The following PTPRT variants were observed in gnomAD, a reference collection of about 807,000 sequenced individuals.
PTPRT encodes the protein receptor-type tyrosine-protein phosphatase T.
A neutral mutation model predicts 176.8 loss-of-function variants in PTPRT; 56 were observed. That is an observed-to-expected ratio of 0.32 (90% CI 0.26 to 0.40). The LOEUF is 0.40. Ranked by LOEUF, PTPRT falls within the 10% of genes least tolerant of loss-of-function variation. PTPRT has a pLI of 1.00. For missense variants in PTPRT, 1,540 were observed against 1,908.2 expected (o/e 0.81, Z 3.60); for synonymous variants, 783 against 739.0 (o/e 1.06, Z -0.96).
At chr20:42,736,879 G>A (rs1002509339) in intron 6 of PTPRT, among the ~76,000 whole-genome samples, 4 of 152,334 alleles carry the variant, frequency 2.6e-5, no homozygotes, top group South Asian at 4.1e-4. Flanking sequence ...TCACACTCTT[G>A]TCTGCTGTGA....
intron 7 of PTPRT, among the ~76,000 whole-genome samples, chr20:42,665,703 A>T (rs1422112245): frequency 6.6e-6 from 1 of 152,182 alleles, no homozygotes; most frequent in Non-Finnish European, 1.5e-5. Context: ...CAAATGTCCA[A>T]CAGTGATAGA....
At chr20:42,659,344 T>C (rs2075182319) in intron 7 of PTPRT, among the ~76,000 whole-genome samples, 1 of 152,184 alleles carries the variant, frequency 6.6e-6, no homozygotes, top group Non-Finnish European at 1.5e-5. Flanking sequence ...AATGTCATGG[T>C]CTTGGGATAT....
intron 1 of PTPRT, among the ~76,000 whole-genome samples, chr20:43,141,881 C>T (rs2014020541): frequency 6.6e-6 from 1 of 152,146 alleles, no homozygotes; most frequent in Non-Finnish European, 1.5e-5. Context: ...TCCACAGAAC[C>T]ATTCCAAGCC....
At chr20:42,281,492 G>A (rs972774450) in intron 13 of PTPRT, among the ~76,000 whole-genome samples, 6 of 152,140 alleles carry the variant, frequency 3.9e-5, no homozygotes, top group African/African-American at 1.4e-4. Context: ...TCAAGTAGCT[G>A]TAGATTTTTT....
At chr20:42,848,378 G>A (rs1482102886) in intron 2 of PTPRT, among the ~76,000 whole-genome samples, 1 of 152,138 alleles carries the variant, frequency 6.6e-6, no homozygotes, top group African/African-American at 2.4e-5. Flanking sequence ...TGTTCTTTTA[G>A]CTCTTTAAGG....
intron 1 of PTPRT, among the ~76,000 whole-genome samples, chr20:42,911,603 T>C (rs1978384312): frequency 6.6e-6 from 1 of 152,194 alleles, no homozygotes; most frequent in Non-Finnish European, 1.5e-5. Context: ...TATAAATCTA[T>C]GCACATGAAT....
intron 11 of PTPRT, among the ~76,000 whole-genome samples, chr20:42,349,858 AACTAGC>A (rs2058250512): frequency 6.6e-6 from 1 of 152,200 alleles, no homozygotes; most frequent in South Asian, 2.1e-4. Context: ...TGATATCATG[AACTAGC>A]AGTGGTCAGT....
intron 25 of PTPRT, 34 bp downstream of exon 25, chr20:42,104,535 T>C (rs1220184632): frequency 6.3e-7 from 1 of 1,590,546 alleles, no homozygotes; most frequent in African/African-American, 1.3e-5. Flanking sequence ...CCAAACTGAC[T>C]AAGATGGTCA....
chr20:43,130,213 G>C (rs1031338264), intron 1 of PTPRT, among the ~76,000 whole-genome samples: 1 of 152,146 alleles, frequency 6.6e-6, no homozygotes, highest in Non-Finnish European at 1.5e-5. Context: ...GAACCACATG[G>C]GTTTATGGGT....
intron 1 of PTPRT, among the ~76,000 whole-genome samples, chr20:42,965,882 A>G (rs768923316): frequency 6.6e-6 from 1 of 152,264 alleles, no homozygotes; most frequent in Non-Finnish European, 1.5e-5. Context: ...CAAACATTCA[A>G]GGAATAGCTA....
At chr20:42,049,319 C>T in the PTPRT span, among the ~76,000 whole-genome samples, 2 of 152,352 alleles carry the variant, frequency 1.3e-5, no homozygotes, top group East Asian at 3.9e-4. Flanking sequence ...TTCCAGAAGG[C>T]CCTTCACATG....
intron 9 of PTPRT, among the ~76,000 whole-genome samples, chr20:42,413,415 A>C (rs1286545731): frequency 6.6e-6 from 1 of 152,164 alleles, no homozygotes; most frequent in Non-Finnish European, 1.5e-5. Flanking sequence ...TAAAAAGTGA[A>C]AGACAATTTA....
chr20:42,430,179 G>A (rs1286993892), intron 9 of PTPRT, among the ~76,000 whole-genome samples: 4 of 152,172 alleles, frequency 2.6e-5, no homozygotes, highest in Non-Finnish European at 2.9e-5. Context: ...CAGGGTCCAC[G>A]GTCCACAGAT....
intron 9 of PTPRT, among the ~76,000 whole-genome samples, chr20:42,426,725 T>C (rs73121642): frequency 0.12 from 17,692 of 151,974 alleles, 1,000 homozygotes; most frequent in Middle Eastern, 0.14. Flanking sequence ...GTCTGTGAGC[T>C]CCCCCTCCCG....
intron 7 of PTPRT, among the ~76,000 whole-genome samples, chr20:42,594,055 G>T (rs1163588885): frequency 6.6e-6 from 1 of 152,158 alleles, no homozygotes; most frequent in African/African-American, 2.4e-5. Context: ...GAAGGGAAGT[G>T]GGGAGCTGTC....
chr20:42,467,378 A>T (rs1264906880), intron 8 of PTPRT, among the ~76,000 whole-genome samples: 1 of 152,044 alleles, frequency 6.6e-6, no homozygotes, highest in East Asian at 1.9e-4. Context: ...CAGTACTGGG[A>T]CTCCCTGACA....
intron 12 of PTPRT, among the ~76,000 whole-genome samples, chr20:42,283,939 T>C (rs1600779191): frequency 6.6e-6 from 1 of 152,082 alleles, no homozygotes; most frequent in African/African-American, 2.4e-5. Context: ...CTCATAGTTA[T>C]CGCCAATAGT....
chr20:42,980,812 T>C (rs1444270826), intron 1 of PTPRT, among the ~76,000 whole-genome samples: 1 of 152,212 alleles, frequency 6.6e-6, no homozygotes, highest in African/African-American at 2.4e-5. Context: ...ATTCTTTCTC[T>C]GCTCCTTTAA....
chr20:42,592,086 T>C (rs1250450486), intron 7 of PTPRT, among the ~76,000 whole-genome samples: 2 of 149,896 alleles, frequency 1.3e-5, no homozygotes, highest in Admixed American at 6.7e-5. Context: ...TTCACGCCAT[T>C]CTCCTGCCTC....
Sources: gnomAD v4.1 joint callset for allele counts (sites outside exome capture counted in the v4.1 genomes callset) on GRCh38, gnomAD v4.1.1 for gene constraint, MANE v1.5 for transcripts, NCBI Gene and HGNC (gene_info 2026-07-23, HGNC 2026-07-21) for gene names.